Variants in CELF3 observed in about 807,000 individuals in gnomAD.
CELF3 encodes CAG repeat domain.
In CELF3, 26 loss-of-function variants were observed where a neutral mutation model predicts 59.6. The ratio of observed to expected loss-of-function variants is 0.44; its 90% CI spans 0.32 to 0.61. The LOEUF is 0.61. Ranked by LOEUF, CELF3 falls within the 20% of genes least tolerant of loss-of-function variation. The pLI, the probability that CELF3 is intolerant of heterozygous loss-of-function variation, is 0.06. For missense variants in CELF3, 387 were observed against 627.2 expected, an observed-to-expected ratio of 0.62 and a Z score of 4.09; for synonymous variants, 245 against 250.7, an observed-to-expected ratio of 0.98 and a Z score of 0.22.
rs934409053 is a variant in CELF3 at position 151,709,978 on chromosome 1, A to T, written c.229-187T>A. 8.0e-6 allele frequency: 5 copies of T among 624,018 alleles called. No homozygotes were observed. The highest frequency in any genetic ancestry group is 1.8e-5 in the African/African-American group (1 of 54,648). The allele number at this position is 624,018 out of a possible 1,614,324, so 38.7% of individuals were successfully genotyped here. Reference sequence around the variant, plus strand: ...CTGAGGGGATCAGAGGCACAGAGAGAGAGGATGTAGAGGGAGAGGCTCATG... The same window carrying T: ...CTGAGGGGATCAGAGGCACAGAGAGTGAGGATGTAGAGGGAGAGGCTCATG... On this transcript the variant is annotated intron_variant, in intron 2 of 12. Coordinates refer to ENST00000290583, the MANE Select transcript of CELF3 (RefSeq NM_007185.7). This position sits in a 1 kb window ranked among gnomAD's most constrained non-coding sequence, Gnocchi z 4.9.
At chr1:151,707,476 G>T (rs758740295) in intron 7 of CELF3, 31 bp downstream of exon 7, 7 of 1,608,812 alleles carry the variant, frequency 4.4e-6, no homozygotes, top group Non-Finnish European at 5.9e-6. Context: ...ACCATGCTTA[G>T]CTCCCTTGCC....
Position 151,703,040 on chromosome 1 carries a change from G to T in CELF3, c.*419C>A. 2.6e-6 allele frequency: 1 copy of T among 388,100 alleles called. No homozygotes were observed. Among genetic ancestry groups the T allele is most frequent in the Non-Finnish European group, 5.2e-6 (1 of 193,442 alleles). The allele number at this position is 388,100 out of a possible 1,614,324, so 24.0% of individuals were successfully genotyped here. A position where few individuals can be genotyped will look rare whatever the true frequency, so the allele number is the denominator to read the frequency against. On this transcript the variant is annotated 3_prime_UTR_variant, in exon 13 of 13. Coordinates refer to ENST00000290583, the MANE Select transcript of CELF3 (RefSeq NM_007185.7). ...CCCCTAATGTGGGGAAGAGGCTGGG[G>T]TGAGGGTGAGCTGGGAGTGTGTGGC...
rs781560441 is a variant in CELF3 at position 151,707,488 on chromosome 1, G to A, written c.772+19C>T. On this transcript the variant is annotated intron_variant, in intron 7 of 12. Transcript: ENST00000290583. ...CCTACCATGCTTAGCTCCCTTGCCC[G>A]GCCTTGCCCAGGCCATACCTGAGGA... The A allele has an allele frequency of 3.4e-5, 54 of 1,609,602 alleles. No individual in the cohort carries two copies. The highest frequency in any genetic ancestry group is 3.3e-4 in the Middle Eastern group (2 of 6,072).
intron 12 of CELF3, among the ~76,000 whole-genome samples, chr1:151,704,427 A>G (rs754505758): frequency 6.6e-6 from 1 of 151,828 alleles, no homozygotes; most frequent in East Asian, 1.9e-4. Context: ...CGACATTTCA[A>G]CCTCTTCCAC....
Position 151,707,205 on chromosome 1 carries a change from G to A in CELF3, c.862C>T (p.Gln288Ter). Residue 288 changes from glutamine to a stop codon, truncating the protein, a stop_gained, in exon 8 of 13, where the codon CAG (glutamine) becomes TAG (stop). Coordinates refer to ENST00000290583, the MANE Select transcript of CELF3 (RefSeq NM_007185.7). LOFTEE classifies it high-confidence loss of function. The stretch of plus-strand genomic sequence containing the variant: ...TCAGGGGCAGGCTGCCCAGTGGGCT[G>A]GGTGGGCACCGGGCTGTAGCCGTTG... ...GVNGYSPVPT[Q>*]PTGQPAPDAL... 1 of 1,539,572 alleles carries A rather than the reference G, an allele frequency of 6.5e-7. No homozygotes were observed. Among genetic ancestry groups the A allele is most frequent in the East Asian group, 2.4e-5 (1 of 41,998 alleles).
chr1:151,706,958 G>A (rs113965246), intron 8 of CELF3, among the ~76,000 whole-genome samples, 187 bp downstream of exon 8: 1 of 152,228 alleles, frequency 6.6e-6, no homozygotes, highest in African/African-American at 2.4e-5. Context: ...TGGACAGGTC[G>A]CTTCACTGCT....
At chr1:151,704,363 AGGT>A (rs1284169131) in intron 12 of CELF3, among the ~76,000 whole-genome samples, 1 of 152,200 alleles carries the variant, frequency 6.6e-6, no homozygotes, top group Non-Finnish European at 1.5e-5. Flanking sequence ...CATGAGGTTG[AGGT>A]GGTGGCCAGC....
At position 151,709,351 on chromosome 1, in the gene CELF3, G is replaced by A; in HGVS notation, c.278-3C>T. 2.5e-6 allele frequency: 4 copies of A among 1,614,008 alleles called. No individual in the cohort carries two copies. Among genetic ancestry groups the A allele is most frequent in the Non-Finnish European group, 2.5e-6 (3 of 1,179,944 alleles). The stretch of plus-strand genomic sequence containing the variant: ...CCCCACAAAGAGCTTCCGGTCTTCT[G>A]GGTGGTAGGGCACAGGAGGAGGGCA... On this transcript the variant is annotated splice_region_variant and splice_polypyrimidine_tract_variant and intron_variant, in intron 3 of 12. Transcript: ENST00000290583. The surrounding 1 kb of genome is among the most constrained non-coding windows in gnomAD (Gnocchi z 4.9).
rs569912984 is a variant in CELF3, at chr1:151,716,575, C to G, written c.-555G>C. The G allele has an allele frequency of 2.9e-6, 1 of 344,780 alleles. No homozygotes were observed. 21.4% of individuals were successfully genotyped at this position (344,780 alleles called of 1,614,324 possible). A position where few individuals can be genotyped will look rare whatever the true frequency, so the allele number is the denominator to read the frequency against. On this transcript the variant is annotated 5_prime_UTR_variant, in exon 1 of 13. Transcript: ENST00000290583. ...CTGTGGCGGATCCTTCTGCTGGGTCCGAAGATCCCTGATGCCAGATGCTTG... is the reference window on the plus strand; with the variant it reads ...CTGTGGCGGATCCTTCTGCTGGGTCGGAAGATCCCTGATGCCAGATGCTTG...
Position 151,703,398 on chromosome 1 carries a change from C to A in CELF3, c.*61G>T. 1 of 394,576 alleles carries A rather than the reference C, an allele frequency of 2.5e-6. No homozygotes were observed. Among genetic ancestry groups the A allele is most frequent in the Non-Finnish European group, 5.1e-6 (1 of 195,884 alleles). The allele number at this position is 394,576 out of a possible 1,614,324, so 24.4% of individuals were successfully genotyped here. ...GGCAGGTGTGCGGAGAGGGCCGGGG[C>A]CAGTCGTGGGAAGAGGGTGTGAGGC... On this transcript the variant is annotated 3_prime_UTR_variant, in exon 13 of 13. Coordinates refer to ENST00000290583, the MANE Select transcript of CELF3 (RefSeq NM_007185.7).
intron 5 of CELF3, 42 bp from the exon 6 acceptor site, chr1:151,707,977 G>C (rs752475920): frequency 6.4e-7 from 1 of 1,572,778 alleles, no homozygotes; most frequent in East Asian, 2.3e-5. Flanking sequence ...GCAGGGTCAG[G>C]GTCTCTCCTC....
chr1:151,716,214 G>A lies in CELF3; in HGVS notation c.-194C>T, dbSNP rs1007406863. On this transcript the variant is annotated 5_prime_UTR_variant, in exon 1 of 13. Transcript: ENST00000290583. Reference sequence around the variant, plus strand: ...GAGGCCCAGGGAGTTGAGTGCTAGGGGTCAGGGGTCTAGGCAGACGCTGTC... The same window carrying A: ...GAGGCCCAGGGAGTTGAGTGCTAGGAGTCAGGGGTCTAGGCAGACGCTGTC... 5.2e-6 allele frequency: 3 copies of A among 572,132 alleles called. No homozygotes were observed. In the African/African-American group the frequency reaches 5.6e-5, roughly 11 times the overall value. 35.4% of individuals were successfully genotyped at this position (572,132 alleles called of 1,614,324 possible). A position where few individuals can be genotyped will look rare whatever the true frequency, so the allele number is the denominator to read the frequency against.
At chr1:151,708,940 G>A in intron 5 of CELF3, 58 bp downstream of exon 5, 2 of 1,492,922 alleles carry the variant, frequency 1.3e-6, no homozygotes, top group Admixed American at 1.7e-5. Context: ...CTGGGCCAGG[G>A]CCTGGCAGGT....
At chr1:151,710,299 A>G in intron 2 of CELF3, 1 of 260,170 alleles carries the variant, frequency 3.8e-6, no homozygotes, top group Non-Finnish European at 7.7e-6. Context: ...CCTTGACCCC[A>G]GGGGGAAGGC....
rs745935368 is a variant in CELF3 at position 151,709,761 on chromosome 1, C to T, written c.259G>A (p.Asp87Asn). The change falls in exon 3 of 13, where the codon GAC becomes AAC. Residue 87 changes from aspartate (D) to asparagine (N), a missense_variant. Transcript: ENST00000290583. The surrounding 1 kb of genome is among the most constrained non-coding windows in gnomAD (Gnocchi z 4.9). ...AACCTACCTCCTCGGCTCTCGCTGT[C>T]GGCTGGCTTGACCTGGATCGGCCTG... ...MNRPIQVKPA[D>N]SESRGEDRKL... 14 of 1,614,028 alleles carry T rather than the reference C, an allele frequency of 8.7e-6. No homozygotes were observed. Among genetic ancestry groups the T allele is most frequent in the East Asian group, 6.7e-5 (3 of 44,892 alleles).
Position 151,705,049 on chromosome 1 carries a change from G to A in CELF3, c.1390C>T (p.Pro464Ser), listed in dbSNP as rs1558097006. 6.2e-7 allele frequency: 1 copy of A among 1,612,980 alleles called. No individual in the cohort carries two copies. The highest frequency in any genetic ancestry group is 1.3e-5 in the African/African-American group (1 of 75,052). The change falls in exon 12 of 13, where the codon CCC (proline) becomes TCC (serine). Residue 464 changes from proline (P) to serine (S), a missense_variant. Transcript: ENST00000290583. The surrounding 1 kb of genome is among the most constrained non-coding windows in gnomAD (Gnocchi z 5.1). ...GACCCACCTGGGGGCCCTCAGTAGG[G>A]CCGGTTGGCATCCTTAGGCCGCTTT... ...QLKRPKDANR[P>S]Y
chr1:151,706,389 T>A, intron 9 of CELF3, 28 bp from the exon 10 acceptor site: 1 of 1,527,180 alleles, frequency 6.5e-7, no homozygotes. Flanking sequence ...GAGAGGCTGA[T>A]GGGGCTTCCC....
At chr1:151,713,352 G>A (rs1370211024) in intron 2 of CELF3, 1 of 152,252 alleles carries the variant, frequency 6.6e-6, no homozygotes, top group East Asian at 1.9e-4. Context: ...GTGGACACCT[G>A]CAGCTGGTAC....
At chr1:151,708,671 C>T (rs370663681) in intron 5 of CELF3, among the ~76,000 whole-genome samples, 1 of 151,542 alleles carries the variant, frequency 6.6e-6, no homozygotes, top group Non-Finnish European at 1.5e-5. Flanking sequence ...AAGCAAGTGT[C>T]CTGGCGCCCC....
Sources: gnomAD v4.1 joint callset for allele counts (sites outside exome capture counted in the v4.1 genomes callset) on GRCh38, gnomAD v4.1.1 for gene constraint, Gnocchi (gnomAD v3.1) non-coding constraint, MANE v1.5 for transcripts, NCBI Gene and HGNC (gene_info 2026-07-23, HGNC 2026-07-21) for gene names.